The following GXYLT2 variants were observed in gnomAD, a reference collection of about 807,000 sequenced individuals.
GXYLT2 encodes glycosyltransferase 8 domain containing 4.
A neutral mutation model predicts 45.8 loss-of-function variants in GXYLT2; 53 were observed. The observed-to-expected ratio is 1.16, with a 90% CI of 0.93 to 1.46. The LOEUF is 1.46. GXYLT2 is among the 40% of genes most tolerant of loss of function. The pLI, the probability that GXYLT2 is intolerant of heterozygous loss-of-function variation, is 0.00. For synonymous variants in GXYLT2, 219 were observed against 214.2 expected (o/e 1.02, Z -0.19); for missense variants, 551 against 544.4 (o/e 1.01, Z -0.12).
chr3:72,950,358 C>T (rs556235673), intron 3 of GXYLT2, among the ~76,000 whole-genome samples: 3 of 152,072 alleles, frequency 2.0e-5, no homozygotes, highest in Non-Finnish European at 2.9e-5. Context: ...CTACTCCAGA[C>T]GTTGAGGCAG....
chr3:72,968,259 C>T (rs1376136365), intron 6 of GXYLT2, among the ~76,000 whole-genome samples: 1 of 151,506 alleles, frequency 6.6e-6, no homozygotes, highest in Non-Finnish European at 1.5e-5. Flanking sequence ...CAGGTGTGAG[C>T]CACCTACTTT....
At chr3:72,900,634 T>C (rs1709385782) in intron 1 of GXYLT2, among the ~76,000 whole-genome samples, 1 of 151,166 alleles carries the variant, frequency 6.6e-6, no homozygotes, top group Non-Finnish European at 1.5e-5. Context: ...GCCAGTCTGG[T>C]CTCAAACTCC....
chr3:72,940,802 C>T (rs1359618483), intron 3 of GXYLT2, among the ~76,000 whole-genome samples: 1 of 152,118 alleles, frequency 6.6e-6, no homozygotes, highest in African/African-American at 2.4e-5. Context: ...CTGTCTCAGC[C>T]TCCTGAGTAG....
At chr3:72,947,389 T>C (rs2107132590) in intron 3 of GXYLT2, among the ~76,000 whole-genome samples, 1 of 151,836 alleles carries the variant, frequency 6.6e-6, no homozygotes, top group South Asian at 2.1e-4. Flanking sequence ...CAAAAAAAAA[T>C]GGATTGTGCT....
intron 3 of GXYLT2, among the ~76,000 whole-genome samples, chr3:72,945,254 C>T (rs1045106164): frequency 6.6e-5 from 10 of 151,980 alleles, no homozygotes; most frequent in Admixed American, 2.0e-4. Context: ...CGCCACTGCA[C>T]TCCAGCCTGG....
At chr3:72,908,159 T>A in intron 1 of GXYLT2, 1 of 535,342 alleles carries the variant, frequency 1.9e-6, no homozygotes, top group Non-Finnish European at 3.3e-6. Context: ...AAACAGTGAC[T>A]CATCCTGCTA....
At chr3:72,963,588 C>T (rs1159811648) in intron 5 of GXYLT2, among the ~76,000 whole-genome samples, 1 of 151,174 alleles carries the variant, frequency 6.6e-6, no homozygotes, top group Non-Finnish European at 1.5e-5. Flanking sequence ...ATGCAACCTC[C>T]ACATCCTGGG....
chr3:72,916,432 C>T (rs1312710251), intron 2 of GXYLT2, among the ~76,000 whole-genome samples: 1 of 151,418 alleles, frequency 6.6e-6, no homozygotes, highest in Non-Finnish European at 1.5e-5. Flanking sequence ...AAGTGATCCT[C>T]CAACCTTGAC....
intron 1 of GXYLT2, among the ~76,000 whole-genome samples, chr3:72,894,903 G>A (rs1004326110): frequency 1.3e-5 from 2 of 152,148 alleles, no homozygotes; most frequent in Non-Finnish European, 2.9e-5. Context: ...TATGTAAGGC[G>A]GTCCTCCTGC....
chr3:72,950,805 G>A (rs1047939448), intron 3 of GXYLT2, among the ~76,000 whole-genome samples: 69 of 152,304 alleles, frequency 4.5e-4, no homozygotes, highest in African/African-American at 1.7e-3. Context: ...GCACTGGTGA[G>A]CCCCTGATCG....
At position 72,888,498 on chromosome 3, in the gene GXYLT2, A is replaced by G; in HGVS notation, c.265A>G (p.Lys89Glu). 8.1e-7 allele frequency: 1 copy of G among 1,240,264 alleles called. No homozygotes were observed. 76.8% of individuals were successfully genotyped at this position (1,240,264 alleles called of 1,614,324 possible). ...CCGCCGGGGCGCTGCGAGACTGGAGAAGTTGGCGAGGTGAGTCGTGGCAAC... is the reference window on the plus strand; with the variant it reads ...CCGCCGGGGCGCTGCGAGACTGGAGGAGTTGGCGAGGTGAGTCGTGGCAAC... The part of the protein sequence containing the change: ...AGRRGAARLE[K>E]LARRPGEPRS... The change falls in exon 1 of 7, where the codon AAG (lysine) becomes GAG (glutamate). Residue 89 changes from lysine (K) to glutamate (E), a missense_variant. By Grantham distance (56) the Lys-to-Glu change is moderately conservative. Transcript: ENST00000389617.
intron 3 of GXYLT2, among the ~76,000 whole-genome samples, chr3:72,935,693 A>T (rs1485565919): frequency 6.6e-6 from 1 of 152,252 alleles, no homozygotes. Context: ...GTGCCAAAAT[A>T]TTGGAGCAAT....
chr3:72,909,029 G>A (rs564198130), intron 2 of GXYLT2, among the ~76,000 whole-genome samples: 9 of 136,718 alleles, frequency 6.6e-5, no homozygotes, highest in Admixed American at 2.9e-4. Context: ...CCCAGCCCCC[G>A]TTTTTTCCTT....
chr3:72,966,776 C>T (rs1710874287), intron 5 of GXYLT2, among the ~76,000 whole-genome samples: 1 of 152,104 alleles, frequency 6.6e-6, no homozygotes, highest in Admixed American at 6.6e-5. Context: ...CAGGTGCGTG[C>T]CACCATGGCT....
intron 1 of GXYLT2, among the ~76,000 whole-genome samples, chr3:72,891,360 G>A (rs1408078499): frequency 1.3e-5 from 2 of 152,166 alleles, no homozygotes; most frequent in African/African-American, 4.8e-5. Flanking sequence ...ATTCTGCCAC[G>A]TCAACGCAGG....
At position 72,974,964 on chromosome 3, in the gene GXYLT2, T is replaced by G. The variant is rs1711064434; in HGVS notation, c.1150-13T>G. The G allele has an allele frequency of 1.4e-5, 22 of 1,527,102 alleles. No individual in the cohort carries two copies. The highest frequency in any genetic ancestry group is 1.8e-4 in the Middle Eastern group (1 of 5,692). 94.6% of individuals were successfully genotyped at this position (1,527,102 alleles called of 1,614,324 possible). On this transcript the variant is annotated splice_polypyrimidine_tract_variant and intron_variant, in intron 6 of 6. Transcript: ENST00000389617. ...TCCGTTACTAAATAAACTTTTTTTTTGTCATCTTTCAGTTTCCCTTTCAAG... is the reference window on the plus strand; with the variant it reads ...TCCGTTACTAAATAAACTTTTTTTTGGTCATCTTTCAGTTTCCCTTTCAAG...
chr3:72,888,506 G>C lies in GXYLT2; in HGVS notation c.273G>C (p.Ala91=). ...GCGCTGCGAGACTGGAGAAGTTGGC[G>C]AGGTGAGTCGTGGCAACCCCAGAAT... The part of the protein sequence containing the change: ...RRGAARLEKL[A]RRPGEPRSFQ... The change falls in exon 1 of 7, where the codon GCG becomes GCC. Residue 91 remains alanine, a splice_region_variant and synonymous_variant. Coordinates refer to ENST00000389617, the MANE Select transcript of GXYLT2 (RefSeq NM_001080393.2). 1.6e-6 allele frequency: 2 copies of C among 1,235,982 alleles called. No homozygotes were observed. Among genetic ancestry groups the C allele is most frequent in the Middle Eastern group, 3.2e-4 (1 of 3,092 alleles). 76.6% of individuals were successfully genotyped at this position (1,235,982 alleles called of 1,614,324 possible).
chr3:72,962,964 A>AAAAC (rs1710795364), intron 5 of GXYLT2, among the ~76,000 whole-genome samples: 2 of 150,160 alleles, frequency 1.3e-5, no homozygotes, highest in Admixed American at 6.6e-5. Flanking sequence ...TAAAAAAAAA[A>AAAAC]AACAAAAAAA....
intron 2 of GXYLT2, among the ~76,000 whole-genome samples, chr3:72,916,369 G>A (rs1575787474): frequency 6.6e-6 from 1 of 151,682 alleles, no homozygotes; most frequent in East Asian, 1.9e-4. Context: ...GGGGGTGGGG[G>A]TAGAGATGGG....
Sources: gnomAD v4.1 joint callset for allele counts (sites outside exome capture counted in the v4.1 genomes callset) on GRCh38, gnomAD v4.1.1 for gene constraint, MANE v1.5 for transcripts, NCBI Gene and HGNC (gene_info 2026-07-23, HGNC 2026-07-21) for gene names.